The following CNTNAP2 variants were observed in gnomAD, a reference collection of about 807,000 sequenced individuals.
CNTNAP2 encodes the protein contactin-associated protein-like 2.
In CNTNAP2, 98 loss-of-function variants were observed where a neutral mutation model predicts 155.2. The observed-to-expected ratio is 0.63, with a 90% CI of 0.54 to 0.75. The LOEUF is 0.75. Ranked by LOEUF, CNTNAP2 falls within the 30% of genes least tolerant of loss-of-function variation. The probability of loss-of-function intolerance (pLI) is 0.00; values close to 1 mark genes in which losing one functional copy is unlikely to be tolerated. For synonymous variants in CNTNAP2, 651 were observed against 631.2 expected, an observed-to-expected ratio of 1.03 and a Z score of -0.47; for missense variants, 1,727 against 1,688.1, an observed-to-expected ratio of 1.02 and a Z score of -0.40.
chr7:148,061,190 A>G (rs1803122290), intron 15 of CNTNAP2, among the ~76,000 whole-genome samples: 1 of 149,038 alleles, frequency 6.7e-6, no homozygotes, highest in South Asian at 2.2e-4. Context: ...TGTGTTTTAA[A>G]AAGGAGTAAA....
Position 147,044,762 on chromosome 7 carries a change from CCT to C in CNTNAP2, c.550+715_550+716del, listed in dbSNP as rs138286295. On this transcript the variant is annotated intron_variant, in intron 4 of 23. Transcript: ENST00000361727. ...GTACTTGTTTTCTCCTACTCCTCTTCCTCTCTCTTTTTCTTCTTATCTTGTTT... is the reference window on the plus strand; with the variant it reads ...GTACTTGTTTTCTCCTACTCCTCTTCCTCTCTTTTTCTTCTTATCTTGTTT... Among the ~76,000 whole-genome samples, 214 of 152,132 alleles carry C rather than the reference CCT, an allele frequency of 1.4e-3. 6 individuals carry two copies. The East Asian group carries it at 0.029, about 21-fold the overall frequency.
At chr7:147,583,531 T>TATATATATATATATATATATATAA (rs1280154794) in intron 12 of CNTNAP2, among the ~76,000 whole-genome samples, 2 of 140,608 alleles carry the variant, frequency 1.4e-5, no homozygotes, top group African/African-American at 5.3e-5. Context: ...TATATATATA[T>TATATATATATATATATATATATAA]AATGTCAAAC....
intron 15 of CNTNAP2, among the ~76,000 whole-genome samples, chr7:148,067,674 T>C (rs1803294099): frequency 6.6e-6 from 1 of 152,230 alleles, no homozygotes; most frequent in South Asian, 2.1e-4. Context: ...TGAATAGGTA[T>C]TTGGGCTTCT....
intron 1 of CNTNAP2, among the ~76,000 whole-genome samples, chr7:146,403,506 T>A (rs1010818276): frequency 6.6e-6 from 1 of 152,226 alleles, no homozygotes; most frequent in African/African-American, 2.4e-5. Flanking sequence ...TCGCCATTTT[T>A]ATTTTTGATC....
intron 15 of CNTNAP2, among the ~76,000 whole-genome samples, chr7:148,062,815 T>A (rs1377902158): frequency 6.6e-6 from 1 of 152,076 alleles, no homozygotes; most frequent in Non-Finnish European, 1.5e-5. Context: ...AGAGCAGAGC[T>A]TAATGAAATA....
At chr7:148,406,227 A>G (rs6979435) in intron 22 of CNTNAP2, among the ~76,000 whole-genome samples, 85,267 of 138,720 alleles carry the variant, frequency 0.61, 24,616 homozygotes, top group South Asian at 0.68. Flanking sequence ...GCGAGACTCC[A>G]TCTCAAAAAA....
At chr7:147,561,648 T>G (rs2116788130) in intron 11 of CNTNAP2, among the ~76,000 whole-genome samples, 1 of 152,260 alleles carries the variant, frequency 6.6e-6, no homozygotes, top group South Asian at 2.1e-4. Flanking sequence ...TACATACTAT[T>G]TATGGACAAC....
At chr7:147,630,512 C>G (rs1795068633) in intron 12 of CNTNAP2, among the ~76,000 whole-genome samples, 1 of 151,922 alleles carries the variant, frequency 6.6e-6, no homozygotes, top group Non-Finnish European at 1.5e-5. Context: ...CAGGAAAGGA[C>G]ATAACAGAAA....
At chr7:146,605,486 G>C (rs1799031823) in intron 1 of CNTNAP2, among the ~76,000 whole-genome samples, 2 of 143,862 alleles carry the variant, frequency 1.4e-5, no homozygotes, top group African/African-American at 5.0e-5. Flanking sequence ...CAGAAAAAAG[G>C]ACTCTAAGAT....
At chr7:147,733,616 G>A (rs1037337984) in intron 13 of CNTNAP2, among the ~76,000 whole-genome samples, 20 of 152,122 alleles carry the variant, frequency 1.3e-4, no homozygotes, top group African/African-American at 4.6e-4. Context: ...GGGCAATATG[G>A]CCATTTTCAT....
chr7:147,708,154 C>T (rs550594993), intron 13 of CNTNAP2, among the ~76,000 whole-genome samples: 1 of 152,246 alleles, frequency 6.6e-6, no homozygotes, highest in Non-Finnish European at 1.5e-5. Flanking sequence ...AGGTTGCTTT[C>T]AGTGGCAGCA....
At chr7:147,123,251 T>C (rs1801157519) in intron 6 of CNTNAP2, among the ~76,000 whole-genome samples, 2 of 152,208 alleles carry the variant, frequency 1.3e-5, no homozygotes, top group Admixed American at 6.5e-5. Context: ...ATGAGAGATC[T>C]TAAAGATGAA....
chr7:147,383,727 G>T (rs1415022492), intron 9 of CNTNAP2, among the ~76,000 whole-genome samples: 1 of 152,072 alleles, frequency 6.6e-6, no homozygotes, highest in Non-Finnish European at 1.5e-5. Flanking sequence ...CATGGCACAT[G>T]TGTACCTATA....
chr7:148,038,882 A>G (rs894532561), intron 15 of CNTNAP2, among the ~76,000 whole-genome samples: 3 of 152,246 alleles, frequency 2.0e-5, no homozygotes, highest in African/African-American at 7.2e-5. Flanking sequence ...ATAGATAGAT[A>G]AGGAATTTAT....
intron 8 of CNTNAP2, among the ~76,000 whole-genome samples, chr7:147,197,030 A>G (rs1306680172): frequency 1.3e-5 from 2 of 152,144 alleles, no homozygotes; most frequent in Non-Finnish European, 2.9e-5. Context: ...CCTAAGTAAC[A>G]AAAGGACTGG....
chr7:146,901,724 A>G (rs1796005783), intron 3 of CNTNAP2, among the ~76,000 whole-genome samples: 1 of 152,204 alleles, frequency 6.6e-6, no homozygotes, highest in Admixed American at 6.5e-5. Flanking sequence ...GTTGTATTAG[A>G]TGGCTGGGGA....
At chr7:146,898,462 T>G (rs2129213040) in intron 3 of CNTNAP2, among the ~76,000 whole-genome samples, 1 of 152,006 alleles carries the variant, frequency 6.6e-6, no homozygotes, top group Middle Eastern at 3.4e-3. Flanking sequence ...ACCACTTTAT[T>G]TTAAATTAGT....
intron 1 of CNTNAP2, among the ~76,000 whole-genome samples, chr7:146,725,034 ACT>A (rs1486053354): frequency 1.3e-5 from 2 of 151,290 alleles, no homozygotes; most frequent in African/African-American, 4.9e-5. Flanking sequence ...GTTCTGAGTG[ACT>A]CTGTTCCCGG....
intron 13 of CNTNAP2, among the ~76,000 whole-genome samples, chr7:147,709,762 G>A (rs568225140): frequency 1.3e-5 from 2 of 152,212 alleles, no homozygotes; most frequent in South Asian, 4.1e-4. Flanking sequence ...ATCTCCAACA[G>A]ATTATATTTT....
Sources: gnomAD v4.1 joint callset for allele counts (sites outside exome capture counted in the v4.1 genomes callset) on GRCh38, gnomAD v4.1.1 for gene constraint, MANE v1.5 for transcripts, NCBI Gene and HGNC (gene_info 2026-07-23, HGNC 2026-07-21) for gene names.